DNAH5: variants seen among roughly 807,000 people sequenced by gnomAD.
DNAH5 encodes the protein axonemal beta dynein heavy chain 5.
In DNAH5, 372 loss-of-function variants were observed where a neutral mutation model predicts 518.2. That is an observed-to-expected ratio of 0.72 (90% CI 0.66 to 0.78). The LOEUF is 0.78. DNAH5 is among the 30% of genes least tolerant of loss of function. The probability of loss-of-function intolerance (pLI) is 0.00; values close to 1 mark genes in which losing one functional copy is unlikely to be tolerated. For missense variants in DNAH5, 5,523 were observed against 5,687.0 expected, an observed-to-expected ratio of 0.97 and a Z score of 0.93; for synonymous variants, 2,039 against 2,025.9, an observed-to-expected ratio of 1.01 and a Z score of -0.17.
intron 12 of DNAH5, among the ~76,000 whole-genome samples, chr5:13,906,437 T>A (rs1041645255): frequency 3.3e-5 from 5 of 152,290 alleles, no homozygotes; most frequent in East Asian, 1.9e-4. Flanking sequence ...AAAGTCATTT[T>A]TAAAAAATAT....
rs182094195 is a variant in DNAH5 at position 13,809,985 on chromosome 5, A to G, written c.7609+74T>C. 2.8e-4 allele frequency: 375 copies of G among 1,351,496 alleles called. 1 individual carries two copies. The East Asian group carries it at 8.4e-3, about 30-fold the overall frequency. 83.7% of individuals were successfully genotyped at this position (1,351,496 alleles called of 1,614,324 possible). A position where few individuals can be genotyped will look rare whatever the true frequency, so the allele number is the denominator to read the frequency against. On this transcript the variant is annotated intron_variant, in intron 45 of 78. Transcript: ENST00000265104. The stretch of plus-strand genomic sequence containing the variant: ...TATAAATCTCATTTAGAAAAAATAT[A>G]TATGGTGTAAATATTGGCCATGTAG...
Position 13,691,789 on chromosome 5 carries a change from A to C in DNAH5, c.*195T>G, listed in dbSNP as rs374253051. On this transcript the variant is annotated 3_prime_UTR_variant, in exon 79 of 79. Coordinates refer to ENST00000265104, the MANE Select transcript of DNAH5 (RefSeq NM_001369.3). ...TATATCACTAAATAACATTTTCAAC[A>C]AACTCAGACATTGGTCACTAATGAT... 6.2e-6 allele frequency: 4 copies of C among 648,228 alleles called. No individual in the cohort carries two copies. Among genetic ancestry groups the C allele is most frequent in the South Asian group, 6.0e-5 (3 of 50,384 alleles). 40.2% of individuals were successfully genotyped at this position (648,228 alleles called of 1,614,324 possible).
intron 17 of DNAH5, among the ~76,000 whole-genome samples, chr5:13,887,361 T>C (rs945032714): frequency 3.3e-5 from 5 of 152,130 alleles, no homozygotes; most frequent in African/African-American, 1.2e-4. Flanking sequence ...AAAATGTAAA[T>C]AGCATAGAAA....
intron 30 of DNAH5, 100 bp from the exon 31 acceptor site, chr5:13,850,915 A>T: frequency 1.7e-6 from 2 of 1,199,990 alleles, no homozygotes; most frequent in Non-Finnish European, 2.5e-6. Flanking sequence ...AGCTTTAACC[A>T]GTCCAGATAT....
intron 3 of DNAH5, among the ~76,000 whole-genome samples, chr5:13,923,841 C>T (rs1483082501): frequency 6.6e-6 from 1 of 152,008 alleles, no homozygotes; most frequent in Non-Finnish European, 1.5e-5. Context: ...GTCAGGAGTT[C>T]GAGACCAGCC....
At position 13,820,427 on chromosome 5, in the gene DNAH5, C is replaced by A; in HGVS notation, c.6760G>T (p.Val2254Leu). ...CCCAGAGTCATCATCCCATGTCGCA[C>A]TCTCTGCGTTTCGAATAGCTGGATG... ...KVIQLFETQRVRHGMMTLGPS... is the reference protein window; with the variant it reads ...KVIQLFETQRLRHGMMTLGPS... The change falls in exon 41 of 79, where the codon GTG (valine) becomes TTG (leucine). Residue 2254 changes from valine to leucine, a missense_variant. By Grantham distance (32) the Val-to-Leu change is conservative. This residue lies in a region of DNAH5 where 5,121 missense variants were observed against 5,223.3 expected (regional missense o/e 0.98). Coordinates refer to ENST00000265104, the MANE Select transcript of DNAH5 (RefSeq NM_001369.3). The A allele has an allele frequency of 6.2e-7, 1 of 1,614,036 alleles. No homozygotes were observed.
At chr5:14,003,838 A>C (rs1436887380) in intron 1 of DNAH5, among the ~76,000 whole-genome samples, 4 of 152,196 alleles carry the variant, frequency 2.6e-5, no homozygotes, top group Non-Finnish European at 4.4e-5. Context: ...AGCAGGCCCA[A>C]AGTGACCCAT....
At chr5:14,002,226 T>C (rs2662629) in intron 1 of DNAH5, among the ~76,000 whole-genome samples, 112,757 of 151,948 alleles carry the variant, frequency 0.74, 42,175 homozygotes, top group East Asian at 0.97. Flanking sequence ...GCTATTCATA[T>C]AATACTGAAA....
At chr5:13,894,371 G>C (rs1480291391) in intron 16 of DNAH5, among the ~76,000 whole-genome samples, 2 of 152,096 alleles carry the variant, frequency 1.3e-5, no homozygotes, top group African/African-American at 2.4e-5. Flanking sequence ...TATATAAAAA[G>C]CTGAATAACT....
intron 1 of DNAH5, among the ~76,000 whole-genome samples, chr5:13,931,653 A>ATTG (rs1354919952): frequency 6.6e-6 from 1 of 152,164 alleles, no homozygotes; most frequent in East Asian, 1.9e-4. Context: ...TCCTATCTTT[A>ATTG]TTGTTTATCT....
rs748196276 is a variant in DNAH5, at chr5:13,922,337, C to G, written c.439-9G>C. The G allele has an allele frequency of 6.2e-7, 1 of 1,610,024 alleles. No individual in the cohort carries two copies. The highest frequency in any genetic ancestry group is 8.5e-7 in the Non-Finnish European group (1 of 1,177,420). The stretch of plus-strand genomic sequence containing the variant: ...ATGTTAAAACTCACCTCCTGGAAAA[C>G]AGGCAGGAGATCTTTTATTGTAAAA... On this transcript the variant is annotated splice_polypyrimidine_tract_variant and intron_variant, in intron 4 of 78. Coordinates refer to ENST00000265104, the MANE Select transcript of DNAH5 (RefSeq NM_001369.3).
chr5:13,822,248 TTC>T (rs1246150434), intron 40 of DNAH5, among the ~76,000 whole-genome samples: 2 of 152,000 alleles, frequency 1.3e-5, no homozygotes, highest in Non-Finnish European at 2.9e-5. Context: ...TTTTTTTTTT[TTC>T]ATTTGTTTGT....
At chr5:13,823,799 G>A (rs1300843222) in intron 39 of DNAH5, among the ~76,000 whole-genome samples, 2 of 152,202 alleles carry the variant, frequency 1.3e-5, no homozygotes, top group Admixed American at 1.3e-4. Context: ...TCCACGGATA[G>A]TGGGCATTGA....
chr5:13,973,133 G>A (rs1454222765), intron 1 of DNAH5, among the ~76,000 whole-genome samples: 2 of 152,116 alleles, frequency 1.3e-5, no homozygotes, highest in Admixed American at 6.5e-5. Context: ...AGACAGGAGA[G>A]GCAAGTTCAG....
At chr5:13,984,217 G>A (rs1782874960) in intron 1 of DNAH5, among the ~76,000 whole-genome samples, 1 of 152,192 alleles carries the variant, frequency 6.6e-6, no homozygotes, top group African/African-American at 2.4e-5. Flanking sequence ...GCAAAGATTT[G>A]TAGTTCTCCT....
upstream of DNAH5, among the ~76,000 whole-genome samples, chr5:13,949,419 A>T (rs1218450061): frequency 6.6e-6 from 1 of 152,246 alleles, no homozygotes; most frequent in African/African-American, 2.4e-5. Flanking sequence ...ATACTCACAA[A>T]AGAAGATAGT....
At chr5:13,787,681 T>C (rs923290084) in intron 51 of DNAH5, among the ~76,000 whole-genome samples, 1 of 150,700 alleles carries the variant, frequency 6.6e-6, no homozygotes, top group Non-Finnish European at 1.5e-5. Flanking sequence ...AGGGAATAAA[T>C]TACATACATT....
chr5:13,850,048 C>T (rs1827412), intron 31 of DNAH5, among the ~76,000 whole-genome samples: 7,933 of 152,186 alleles, frequency 0.052, 216 homozygotes, highest in Admixed American at 0.064. Flanking sequence ...GCCAAGGAGA[C>T]ATCATTATTT....
intron 67 of DNAH5, 55 bp from the exon 68 acceptor site, chr5:13,735,376 G>T: frequency 1.3e-6 from 2 of 1,522,112 alleles, no homozygotes; most frequent in Non-Finnish European, 1.8e-6. Context: ...TCAATTGTCT[G>T]TAAAAACAAT....
Sources: allele counts gnomAD v4.1 joint callset (sites outside exome capture counted in the v4.1 genomes callset), GRCh38; gene constraint gnomAD v4.1.1; regional missense constraint gnomAD v4.1.1; transcripts MANE v1.5; gene names NCBI Gene and HGNC (gene_info 2026-07-23, HGNC 2026-07-21).